DNAH5: variants seen among roughly 807,000 people sequenced by gnomAD.
DNAH5 encodes dynein axonemal heavy chain 5.
In DNAH5, 372 loss-of-function variants were observed where a neutral mutation model predicts 518.2. That is an observed-to-expected ratio of 0.72 (90% CI 0.66 to 0.78). The LOEUF (loss-of-function observed/expected upper bound fraction) is 0.78. Ranked by LOEUF, DNAH5 falls within the 30% of genes least tolerant of loss-of-function variation. DNAH5 has a pLI of 0.00. For missense variants in DNAH5, 5,523 were observed against 5,687.0 expected (o/e 0.97, Z 0.93); for synonymous variants, 2,039 against 2,025.9 (o/e 1.01, Z -0.17).
At position 13,747,341 on chromosome 5, in the gene DNAH5, A is replaced by G. The variant is rs182187745; in HGVS notation, c.11211+3737T>C. On this transcript the variant is annotated intron_variant, in intron 65 of 78. Transcript: ENST00000265104. ...CTTTGCTATTGTGAATAGTGCCGCA[A>G]TAAACATACGTGTGCATGTATCTTT... Among the ~76,000 whole-genome samples, 400 of 152,312 alleles carry G rather than the reference A, an allele frequency of 2.6e-3. 4 individuals are homozygous for G. The highest frequency in any genetic ancestry group is 9.4e-3 in the African/African-American group (389 of 41,566).
chr5:13,778,796 C>G (rs1440964354), intron 53 of DNAH5, among the ~76,000 whole-genome samples: 1 of 152,152 alleles, frequency 6.6e-6, no homozygotes, highest in Admixed American at 6.6e-5. Context: ...CATGGCTATA[C>G]AAAGCCTTTA....
intron 65 of DNAH5, among the ~76,000 whole-genome samples, chr5:13,743,200 G>T: frequency 6.6e-6 from 1 of 152,014 alleles, no homozygotes; most frequent in East Asian, 1.9e-4. Context: ...AGATAGGTAG[G>T]TAGATAGAGA....
intron 78 of DNAH5, among the ~76,000 whole-genome samples, chr5:13,699,900 T>C (rs922579425): frequency 8.5e-5 from 13 of 152,250 alleles, no homozygotes; most frequent in Admixed American, 7.8e-4. Flanking sequence ...GTTATTGCTG[T>C]AGAGATGTTA....
intron 65 of DNAH5, among the ~76,000 whole-genome samples, 193 bp from the exon 66 acceptor site, chr5:13,737,688 G>A (rs886763843): frequency 1.3e-5 from 2 of 152,130 alleles, no homozygotes; most frequent in African/African-American, 4.8e-5. Context: ...ACTTTGGGAG[G>A]CAGAGGCGGG....
At chr5:13,886,819 T>C (rs1252192967) in intron 17 of DNAH5, among the ~76,000 whole-genome samples, 1 of 152,172 alleles carries the variant, frequency 6.6e-6, no homozygotes. Context: ...ATCCTGAAAA[T>C]TCTTTTCAGT....
At position 13,713,107 on chromosome 5, in the gene DNAH5, G is replaced by GTGTATATATATA. The variant is rs70962100; in HGVS notation, c.13125+1297_13125+1298insTATATATATACA. Among the ~76,000 whole-genome samples, 50 of 139,950 alleles carry GTGTATATATATA rather than the reference G, an allele frequency of 3.6e-4. 1 individual carries two copies. Among genetic ancestry groups the GTGTATATATATA allele is most frequent in the Admixed American group, 1.5e-3 (21 of 13,752 alleles). The allele number at this position is 139,950 out of a possible 152,430, so 91.8% of individuals were successfully genotyped here. A position where few individuals can be genotyped will look rare whatever the true frequency, so the allele number is the denominator to read the frequency against. On this transcript the variant is annotated intron_variant, in intron 75 of 78. Coordinates refer to ENST00000265104, the MANE Select transcript of DNAH5 (RefSeq NM_001369.3). ...TATAAAGAAACTGTGGTGTGTGTGT[G>GTGTATATATATA]TATATATATATATATATACACACAC...
intron 75 of DNAH5, 99 bp from the exon 76 acceptor site, chr5:13,708,434 A>C: frequency 9.7e-7 from 1 of 1,029,820 alleles, no homozygotes; most frequent in Non-Finnish European, 1.5e-6. Flanking sequence ...AATTCTTACT[A>C]TTCCATAAAT....
In DNAH5 at chr5:13,811,705, A is replaced by G; in HGVS notation, c.7349T>C (p.Leu2450Pro). 1 of 1,614,242 alleles carries G rather than the reference A, an allele frequency of 6.2e-7. No individual in the cohort carries two copies. ...IQNLEYKMEVLEAFVITQSIN... is the reference protein window; with the variant it reads ...IQNLEYKMEVPEAFVITQSIN... ...GCTCTGTGTGATGACAAAGGCCTCC[A>G]GCACCTCCATCTTGTATTCTAAGTT... is the stretch of plus-strand genomic sequence containing the variant. The change falls in exon 44 of 79, where the codon CTG (leucine) becomes CCG (proline). Residue 2450 changes from leucine (L) to proline (P), a missense_variant. Leu to Pro is a moderately conservative substitution (Grantham distance 98). Coordinates refer to ENST00000265104, the MANE Select transcript of DNAH5 (RefSeq NM_001369.3).
chr5:13,879,475 C>T (rs894220605), intron 21 of DNAH5, among the ~76,000 whole-genome samples: 5 of 151,724 alleles, frequency 3.3e-5, no homozygotes, highest in Admixed American at 2.0e-4. Flanking sequence ...TCCTGATAAC[C>T]CCATTATAAA....
intron 1 of DNAH5, among the ~76,000 whole-genome samples, chr5:13,990,390 A>C (rs528699939): frequency 2.6e-4 from 40 of 151,830 alleles, no homozygotes; most frequent in African/African-American, 7.3e-4. Flanking sequence ...GTCTCTTCCA[A>C]ACACACGAAA....
Position 13,801,957 on chromosome 5 carries a change from CA to C in DNAH5, c.7887+5633del, listed in dbSNP as rs975759634. Among the ~76,000 whole-genome samples, 17 of 149,776 alleles carry C rather than the reference CA, an allele frequency of 1.1e-4. No homozygotes were observed. The East Asian group carries it at 1.6e-3, about 14-fold the overall frequency. Reference sequence around the variant, plus strand: ...ATTTCTAGAGTAGCCATTTCTAAGCCAAAAAAAAATCTCTCAGGATTATCAT... The same window carrying C: ...ATTTCTAGAGTAGCCATTTCTAAGCCAAAAAAAATCTCTCAGGATTATCAT... On this transcript the variant is annotated intron_variant, in intron 47 of 78. Transcript: ENST00000265104.
chr5:13,859,752 G>C, intron 29 of DNAH5, 147 bp from the exon 30 acceptor site: 1 of 743,148 alleles, frequency 1.3e-6, no homozygotes, highest in Non-Finnish European at 2.3e-6. Context: ...GCAACCAAGT[G>C]ATTAATTCAT....
At position 13,954,003 on chromosome 5, in the gene DNAH5, C is replaced by T. The variant is rs190658056; in HGVS notation, c.13-22759G>A. 2.3e-4 allele frequency among the ~76,000 whole-genome samples: 35 copies of T among 152,256 alleles called. No individual in the cohort carries two copies. The East Asian group carries it at 5.8e-3, about 25-fold the overall frequency. ...GATTACAGGTATGAGCTGCCACGCC[C>T]GGCCAGTTCCTGTTTTAATAGAAAC... On this transcript the variant is annotated intron_variant, in intron 1 of 78. Transcript: ENST00000681290.
chr5:13,695,633 C>T (rs1344805975), intron 78 of DNAH5, among the ~76,000 whole-genome samples: 1 of 152,172 alleles, frequency 6.6e-6, no homozygotes, highest in East Asian at 1.9e-4. Flanking sequence ...GCAAATTACC[C>T]AGTGTCTCCA....
chr5:13,798,710 C>A (rs795543), intron 47 of DNAH5, among the ~76,000 whole-genome samples: 1 of 150,792 alleles, frequency 6.6e-6, no homozygotes, highest in African/African-American at 2.4e-5. Context: ...AGTAATTGCA[C>A]AGTGTACATT....
At chr5:13,833,991 C>T (rs9654445) in intron 35 of DNAH5, among the ~76,000 whole-genome samples, 3,117 of 152,252 alleles carry the variant, frequency 0.02, 119 homozygotes, top group African/African-American at 0.071. Flanking sequence ...CATGTCAGTG[C>T]CTCCAGCATT....
At chr5:13,958,408 T>A (rs1229951275) in intron 1 of DNAH5, among the ~76,000 whole-genome samples, 3 of 152,162 alleles carry the variant, frequency 2.0e-5, no homozygotes, top group Admixed American at 2.0e-4. Context: ...TGGGTATTTG[T>A]GTTTTGTTTT....
Position 13,882,934 on chromosome 5 carries a change from G to A in DNAH5, c.3144C>T (p.Val1048=), listed in dbSNP as rs758437071. 46 of 1,613,994 alleles carry A rather than the reference G, an allele frequency of 2.9e-5. No homozygotes were observed. The South Asian group carries it at 3.8e-4, about 13-fold the overall frequency. The change falls in exon 20 of 79, where the codon GTC becomes GTT. Residue 1048 remains valine (V), a synonymous_variant. Transcript: ENST00000265104. ...ACAACAGTTCACTGCTCCACTGTCT[G>A]ACCCCCTTAGGGACACTGATGATGC... ...VECIISVPKG[V]RQWSSELLSK...
chr5:13,788,270 C>G (rs1481505618), intron 51 of DNAH5, among the ~76,000 whole-genome samples: 1 of 152,138 alleles, frequency 6.6e-6, no homozygotes, highest in Non-Finnish European at 1.5e-5. Flanking sequence ...GACTACAGGC[C>G]ATAGACTGCC....
Sources: allele counts gnomAD v4.1 joint callset (sites outside exome capture counted in the v4.1 genomes callset), GRCh38; gene constraint gnomAD v4.1.1; transcripts MANE v1.5; gene names NCBI Gene and HGNC (gene_info 2026-07-23, HGNC 2026-07-21).